ZDHHC14: variants seen among roughly 807,000 people sequenced by gnomAD.
The protein encoded by ZDHHC14 is palmitoyltransferase ZDHHC14.
ZDHHC14 carries 16 observed loss-of-function variants against 47.7 expected under a neutral mutation model. The ratio of observed to expected loss-of-function variants is 0.34; its 90% CI spans 0.23 to 0.51. The LOEUF (loss-of-function observed/expected upper bound fraction) is 0.51. Among genes scored for constraint, ZDHHC14 ranks in the 20% least tolerant of loss-of-function variants. The pLI is 0.97. For synonymous variants in ZDHHC14, 293 were observed against 278.9 expected (o/e 1.05, Z -0.50); for missense variants, 515 against 662.5 (o/e 0.78, Z 2.44).
intron 1 of ZDHHC14, among the ~76,000 whole-genome samples, chr6:157,539,763 C>T (rs565271783): frequency 4.6e-5 from 7 of 152,228 alleles, no homozygotes; most frequent in African/African-American, 1.4e-4. Flanking sequence ...TATTCTCCAC[C>T]GTGGAGGGGC....
At chr6:157,598,379 C>T (rs1183356748) in intron 3 of ZDHHC14, among the ~76,000 whole-genome samples, 4 of 152,124 alleles carry the variant, frequency 2.6e-5, no homozygotes, top group Non-Finnish European at 4.4e-5. Flanking sequence ...CAGGACTTTA[C>T]TGATTCTCCT....
chr6:157,477,480 T>C (rs1224548728), intron 1 of ZDHHC14, among the ~76,000 whole-genome samples: 1 of 152,248 alleles, frequency 6.6e-6, no homozygotes, highest in African/African-American at 2.4e-5. Flanking sequence ...CAAAAAACTG[T>C]TAACACTTTT....
At chr6:157,405,982 A>G (rs1395909063) in intron 1 of ZDHHC14, among the ~76,000 whole-genome samples, 2 of 152,070 alleles carry the variant, frequency 1.3e-5, no homozygotes, top group Non-Finnish European at 2.9e-5. Context: ...CAATTTTTCC[A>G]TCTTTGTTGC....
chr6:157,592,752 G>T, intron 2 of ZDHHC14: 9 of 1,307,944 alleles, frequency 6.9e-6, no homozygotes, highest in Non-Finnish European at 8.8e-6. Context: ...GGCCATGTGT[G>T]CTGTGCTCCA....
At chr6:157,486,797 TG>T (rs1779790095) in intron 1 of ZDHHC14, among the ~76,000 whole-genome samples, 1 of 152,128 alleles carries the variant, frequency 6.6e-6, no homozygotes, top group South Asian at 2.1e-4. Context: ...GTGGCAAGGA[TG>T]GGTGAGACCC....
chr6:157,512,132 A>G (rs1188028664), intron 1 of ZDHHC14, among the ~76,000 whole-genome samples: 3 of 152,232 alleles, frequency 2.0e-5, no homozygotes, highest in Non-Finnish European at 4.4e-5. Flanking sequence ...GGTAGGTCCA[A>G]TTATTATCCT....
At chr6:157,652,602 A>C (rs1319323532) in intron 7 of ZDHHC14, among the ~76,000 whole-genome samples, 3 of 152,240 alleles carry the variant, frequency 2.0e-5, no homozygotes, top group South Asian at 2.1e-4. Flanking sequence ...CGTAGAGTAC[A>C]GAAACAGATG....
intron 2 of ZDHHC14, among the ~76,000 whole-genome samples, chr6:157,545,428 G>A (rs565107944): frequency 2.2e-4 from 34 of 152,106 alleles, no homozygotes; most frequent in Non-Finnish European, 4.7e-4. Context: ...TGTAATCCCA[G>A]CACTTTGGGA....
intron 1 of ZDHHC14, among the ~76,000 whole-genome samples, chr6:157,492,743 A>AG (rs1014647554): frequency 2.0e-5 from 3 of 152,118 alleles, no homozygotes; most frequent in African/African-American, 7.2e-5. Context: ...GAGAGCCGGG[A>AG]GGGGAAGACC....
intron 1 of ZDHHC14, among the ~76,000 whole-genome samples, chr6:157,539,760 C>T (rs1178709490): frequency 6.6e-6 from 1 of 152,208 alleles, no homozygotes; most frequent in Non-Finnish European, 1.5e-5. Context: ...CTTTATTCTC[C>T]ACCGTGGAGG....
At chr6:157,459,877 C>A (rs1444837376) in intron 1 of ZDHHC14, among the ~76,000 whole-genome samples, 1 of 151,968 alleles carries the variant, frequency 6.6e-6, no homozygotes, top group African/African-American at 2.4e-5. Context: ...GAGTTTGAGA[C>A]CAGCCTGGGC....
At chr6:157,464,910 G>A (rs541360628) in intron 1 of ZDHHC14, among the ~76,000 whole-genome samples, 3 of 152,266 alleles carry the variant, frequency 2.0e-5, no homozygotes, top group East Asian at 1.9e-4. Flanking sequence ...CTGTGGCTTC[G>A]TCGCAGCAGG....
intron 2 of ZDHHC14, among the ~76,000 whole-genome samples, chr6:157,543,121 TC>T (rs1439068331): frequency 6.6e-6 from 1 of 152,218 alleles, no homozygotes; most frequent in African/African-American, 2.4e-5. Context: ...ATGACCAGTT[TC>T]CATGATATAA....
chr6:157,474,630 T>C (rs778135839), intron 1 of ZDHHC14, among the ~76,000 whole-genome samples: 2 of 152,240 alleles, frequency 1.3e-5, no homozygotes, highest in Non-Finnish European at 2.9e-5. Context: ...TGATATCTCA[T>C]TGTGGTTTTA....
intron 8 of ZDHHC14, among the ~76,000 whole-genome samples, chr6:157,660,646 A>C (rs1304753522): frequency 6.6e-6 from 1 of 152,166 alleles, no homozygotes; most frequent in Admixed American, 6.5e-5. Context: ...TTAGAATCAC[A>C]ATACTGATCT....
chr6:157,520,599 T>C (rs1189135783), intron 1 of ZDHHC14, among the ~76,000 whole-genome samples: 1 of 152,252 alleles, frequency 6.6e-6, no homozygotes, highest in African/African-American at 2.4e-5. Context: ...TCTAGAATTT[T>C]TAAATTTCTA....
chr6:157,535,162 A>G (rs985406039), intron 1 of ZDHHC14, among the ~76,000 whole-genome samples: 3 of 151,836 alleles, frequency 2.0e-5, no homozygotes, highest in Admixed American at 6.6e-5. Flanking sequence ...AGAAGAGAGC[A>G]CTCTCCTTGT....
At position 157,677,371 on chromosome 6, in the gene ZDHHC14, G is replaced by A. The variant is rs1030710959; in HGVS notation, c.*4249G>A. The A allele has an allele frequency of 1.8e-4, 26 of 148,416 alleles. No individual in the cohort carries two copies. The highest frequency in any genetic ancestry group is 6.5e-4 in the African/African-American group (26 of 40,290). 9.2% of individuals were successfully genotyped at this position (148,416 alleles called of 1,614,324 possible). ...TTTTTTTTTTCAAATAAATGTCAAA[G>A]ATGGTAATAGTTTGTAAATCAGTAA... On this transcript the variant is annotated 3_prime_UTR_variant, in exon 9 of 9. Transcript: ENST00000359775.
In ZDHHC14 at chr6:157,676,100, C is replaced by G. The variant is rs1778966754; in HGVS notation, c.*2978C>G. 1 of 152,222 alleles carries G rather than the reference C, an allele frequency of 6.6e-6. No homozygotes were observed. The highest frequency in any genetic ancestry group is 2.1e-4 in the South Asian group (1 of 4,822). 9.4% of individuals were successfully genotyped at this position (152,222 alleles called of 1,614,324 possible). A position where few individuals can be genotyped will look rare whatever the true frequency, so the allele number is the denominator to read the frequency against. ...GGCAGACAGCCTGCATCCAGGAGGG[C>G]CCCAGGAAGTGGGGATGCTGCAGGA... On this transcript the variant is annotated 3_prime_UTR_variant, in exon 9 of 9. Transcript: ENST00000359775.
Sources: allele counts gnomAD v4.1 joint callset (sites outside exome capture counted in the v4.1 genomes callset), GRCh38; gene constraint gnomAD v4.1.1; transcripts MANE v1.5; gene names NCBI Gene and HGNC (gene_info 2026-07-23, HGNC 2026-07-21).